Variants in KCNIP4 observed in about 807,000 individuals in gnomAD.
KCNIP4 encodes the protein potassium voltage-gated channel interacting protein 4.
In KCNIP4, 12 loss-of-function variants were observed where a neutral mutation model predicts 34.0. The ratio of observed to expected loss-of-function variants is 0.35; its 90% CI spans 0.23 to 0.57. The LOEUF (loss-of-function observed/expected upper bound fraction) is 0.57, where lower values mean the gene tolerates loss of function less well. KCNIP4 is among the 20% of genes least tolerant of loss of function. The probability of loss-of-function intolerance (pLI) is 0.83; values close to 1 mark genes in which losing one functional copy is unlikely to be tolerated. For synonymous variants in KCNIP4, 124 were observed against 102.2 expected (o/e 1.21, Z -1.29); for missense variants, 238 against 311.7 (o/e 0.76, Z 1.78).
chr4:21,490,822 G>T (rs6830109), intron 1 of KCNIP4, among the ~76,000 whole-genome samples: 31,301 of 152,068 alleles, frequency 0.21, 3,635 homozygotes, highest in Non-Finnish European at 0.27. Context: ...GATGCATAGA[G>T]GATGCAGGAA....
chr4:21,067,924 T>A (rs556123166), intron 1 of KCNIP4, among the ~76,000 whole-genome samples: 3 of 152,358 alleles, frequency 2.0e-5, no homozygotes, highest in African/African-American at 7.2e-5. Flanking sequence ...TTTCATTATG[T>A]TGCCCAAATG....
intron 1 of KCNIP4, among the ~76,000 whole-genome samples, chr4:21,914,993 G>T (rs982165304): frequency 6.6e-6 from 1 of 151,710 alleles, no homozygotes; most frequent in South Asian, 2.1e-4. Context: ...AGAAAGGTAC[G>T]CATTTGAAAA....
chr4:21,104,221 G>C (rs867053661), intron 1 of KCNIP4, among the ~76,000 whole-genome samples: 1 of 151,858 alleles, frequency 6.6e-6, no homozygotes, highest in South Asian at 2.1e-4. Context: ...CAGTATAAAA[G>C]TGTTCCTATT....
rs910737172 is a variant in KCNIP4, at chr4:20,922,535, GTCTGTCTGTCTGTCTATCTATCTATCTA to G, written c.62-39854_62-39827del. Among the ~76,000 whole-genome samples the G allele has an allele frequency of 1.5e-4, 13 of 86,890 alleles. No homozygotes were observed. The South Asian group carries it at 5.7e-3, about 38-fold the overall frequency. The allele number at this position is 86,890 out of a possible 152,430, so 57.0% of individuals were successfully genotyped here. A position where few individuals can be genotyped will look rare whatever the true frequency, so the allele number is the denominator to read the frequency against. On this transcript the variant is annotated intron_variant, in intron 1 of 8. Coordinates refer to ENST00000382152, the MANE Select transcript of KCNIP4 (RefSeq NM_025221.6). Reference sequence around the variant, plus strand: ...AGTGTGACTGTCTGTCTGTCTGTCTGTCTGTCTGTCTGTCTATCTATCTATCTATCTATCTATCTATCTATCTATCTCC... The same window carrying G: ...AGTGTGACTGTCTGTCTGTCTGTCTGTCTATCTATCTATCTATCTATCTCC...
At chr4:21,046,993 A>G (rs1742486810) in intron 1 of KCNIP4, among the ~76,000 whole-genome samples, 1 of 152,260 alleles carries the variant, frequency 6.6e-6, no homozygotes, top group Admixed American at 6.5e-5. Context: ...GGAACAAAAC[A>G]TAAGAGGTGC....
chr4:21,587,181 T>C (rs1483547747), intron 1 of KCNIP4, among the ~76,000 whole-genome samples: 1 of 152,098 alleles, frequency 6.6e-6, no homozygotes, highest in Non-Finnish European at 1.5e-5. Flanking sequence ...CCTGGATTTA[T>C]TATCTGAGGG....
chr4:20,906,729 G>C (rs941844393), intron 1 of KCNIP4, among the ~76,000 whole-genome samples: 1 of 152,190 alleles, frequency 6.6e-6, no homozygotes, highest in South Asian at 2.1e-4. Flanking sequence ...TTTTCTATCT[G>C]TTCCCCTTCC....
chr4:21,335,542 A>G (rs536290744), intron 1 of KCNIP4, among the ~76,000 whole-genome samples: 1 of 152,296 alleles, frequency 6.6e-6, no homozygotes, highest in South Asian at 2.1e-4. Flanking sequence ...ATATCACTGT[A>G]TTTATCTGTC....
chr4:21,812,350 C>A (rs1224967766), intron 1 of KCNIP4, among the ~76,000 whole-genome samples: 1 of 152,048 alleles, frequency 6.6e-6, no homozygotes. Context: ...TGGTGGGAAT[C>A]CAGGCACAGA....
intron 1 of KCNIP4, among the ~76,000 whole-genome samples, chr4:21,127,871 T>A (rs184117957): frequency 2.8e-4 from 43 of 152,196 alleles, no homozygotes; most frequent in Non-Finnish European, 4.4e-5. Context: ...CAATCAAAAG[T>A]TAACAAAGAT....
chr4:20,772,745 G>T (rs1404335193), intron 3 of KCNIP4, among the ~76,000 whole-genome samples: 1 of 151,744 alleles, frequency 6.6e-6, no homozygotes, highest in Admixed American at 6.6e-5. Flanking sequence ...AGGTTCAAGC[G>T]ATTCTTCAGC....
At chr4:21,786,244 G>A (rs1268403185) in intron 1 of KCNIP4, among the ~76,000 whole-genome samples, 1 of 152,178 alleles carries the variant, frequency 6.6e-6, no homozygotes, top group Non-Finnish European at 1.5e-5. Flanking sequence ...ACCATGCCCG[G>A]CCTCGCTTCT....
chr4:20,909,638 C>G (rs1301504465), intron 1 of KCNIP4, among the ~76,000 whole-genome samples: 1 of 152,166 alleles, frequency 6.6e-6, no homozygotes, highest in African/African-American at 2.4e-5. Flanking sequence ...TAAGACCTAC[C>G]TATCCCAACC....
intron 1 of KCNIP4, among the ~76,000 whole-genome samples, chr4:21,729,216 G>A (rs1399599088): frequency 6.6e-6 from 1 of 152,000 alleles, no homozygotes; most frequent in Non-Finnish European, 1.5e-5. Flanking sequence ...ATCATTTGGG[G>A]TCTAGGTTGC....
In KCNIP4 at chr4:21,144,167, C is replaced by A. The variant is rs541457625; in HGVS notation, c.62-261458G>T. ...AAATACAACCCCCTTCTGCCCCATGCAATAAACCAGTATTATATTTGTCAG... is the reference window on the plus strand; with the variant it reads ...AAATACAACCCCCTTCTGCCCCATGAAATAAACCAGTATTATATTTGTCAG... On this transcript the variant is annotated intron_variant, in intron 1 of 8. Coordinates refer to ENST00000382152, the MANE Select transcript of KCNIP4 (RefSeq NM_025221.6). Among the ~76,000 whole-genome samples the A allele has an allele frequency of 1.8e-3, 276 of 152,280 alleles. 1 individual carries two copies. Among genetic ancestry groups the A allele is most frequent in the African/African-American group, 6.3e-3 (262 of 41,560 alleles).
intron 1 of KCNIP4, among the ~76,000 whole-genome samples, chr4:21,191,981 C>T (rs1380893089): frequency 6.6e-6 from 1 of 152,158 alleles, no homozygotes; most frequent in Non-Finnish European, 1.5e-5. Context: ...TGATTCATAG[C>T]TCTCCCTAAT....
chr4:21,520,103 C>A (rs926752411), intron 1 of KCNIP4, among the ~76,000 whole-genome samples: 15 of 151,870 alleles, frequency 9.9e-5, no homozygotes, highest in African/African-American at 3.6e-4. Context: ...TTTCGGCCTG[C>A]TTTATATTCT....
At chr4:20,889,708 T>C (rs1725701524) in intron 1 of KCNIP4, among the ~76,000 whole-genome samples, 1 of 151,796 alleles carries the variant, frequency 6.6e-6, no homozygotes, top group South Asian at 2.1e-4. Flanking sequence ...CTAATTCTTT[T>C]TAATTTGGTT....
intron 1 of KCNIP4, among the ~76,000 whole-genome samples, chr4:21,012,650 C>T (rs114066566): frequency 2.0e-3 from 301 of 152,234 alleles, no homozygotes; most frequent in African/African-American, 6.8e-3. Flanking sequence ...TTTTGTATAT[C>T]GATCATTCTA....
Sources: gnomAD v4.1 joint callset for allele counts (sites outside exome capture counted in the v4.1 genomes callset) on GRCh38, gnomAD v4.1.1 for gene constraint, MANE v1.5 for transcripts, NCBI Gene and HGNC (gene_info 2026-07-23, HGNC 2026-07-21) for gene names.